Variants in NAALADL2 observed in about 807,000 individuals in gnomAD.
The protein encoded by NAALADL2 is N-acetylated alpha-linked acidic dipeptidase like 2.
A neutral mutation model predicts 87.2 loss-of-function variants in NAALADL2; 76 were observed. The ratio of observed to expected loss-of-function variants is 0.87; its 90% confidence interval spans 0.72 to 1.05. The LOEUF is 1.05. Ranked by LOEUF, NAALADL2 falls within the 50% of genes least tolerant of loss-of-function variation. NAALADL2 has a pLI of 0.00. For synonymous variants in NAALADL2, 354 were observed against 331.0 expected (o/e 1.07, Z -0.75); for missense variants, 1,089 against 945.8 (o/e 1.15, Z -1.99).
At chr3:175,111,749 C>T (rs1158351495) in intron 2 of NAALADL2, among the ~76,000 whole-genome samples, 1 of 151,582 alleles carries the variant, frequency 6.6e-6, no homozygotes, top group Non-Finnish European at 1.5e-5. Flanking sequence ...TCTAGTCAGA[C>T]AGTCAGGAAA....
At chr3:175,307,065 G>A (rs1326551797) in intron 4 of NAALADL2, among the ~76,000 whole-genome samples, 1 of 152,050 alleles carries the variant, frequency 6.6e-6, no homozygotes, top group Non-Finnish European at 1.5e-5. Context: ...CTTAATTCCT[G>A]TTAAGGTTAT....
chr3:175,322,596 A>G (rs1455066415), intron 4 of NAALADL2, among the ~76,000 whole-genome samples: 1 of 114,342 alleles, frequency 8.7e-6, no homozygotes, highest in Non-Finnish European at 1.7e-5. Context: ...TCATCTGACA[A>G]AGGGCTAATA....
rs189582369 is a variant in NAALADL2, at chr3:175,388,810, T to C, written c.1091-58419T>C. On this transcript the variant is annotated intron_variant, in intron 5 of 13. Transcript: ENST00000454872. ...TGTGTCCTTCATCCTAGACTCCACC[T>C]CTAACTGTCAGAACCAAATCATAAT... Among the ~76,000 whole-genome samples, 24 of 152,234 alleles carry C rather than the reference T, an allele frequency of 1.6e-4. No individual in the cohort carries two copies. In the East Asian group the frequency reaches 3.9e-3, roughly 24 times the overall value.
intron 11 of NAALADL2, among the ~76,000 whole-genome samples, chr3:175,730,901 T>C (rs2150063669): frequency 6.6e-6 from 1 of 152,264 alleles, no homozygotes; most frequent in East Asian, 1.9e-4. Flanking sequence ...TGAATAGTTA[T>C]TTACTTATGC....
intron 1 of NAALADL2, among the ~76,000 whole-genome samples, chr3:174,937,366 T>C (rs894338317): frequency 1.3e-5 from 2 of 152,038 alleles, no homozygotes; most frequent in African/African-American, 4.8e-5. Flanking sequence ...GTTAGTGATT[T>C]AGGGCTTTTC....
chr3:174,987,224 A>G (rs1745995062), intron 1 of NAALADL2, among the ~76,000 whole-genome samples: 1 of 152,190 alleles, frequency 6.6e-6, no homozygotes, highest in Non-Finnish European at 1.5e-5. Context: ...AAACGAGTGT[A>G]AATCTGCACT....
intron 2 of NAALADL2, among the ~76,000 whole-genome samples, chr3:174,674,304 A>G (rs566639494): frequency 6.6e-6 from 1 of 152,042 alleles, no homozygotes; most frequent in African/African-American, 2.4e-5. Context: ...TCCAGACCCC[A>G]CCTCCAATAC....
chr3:175,520,282 ATTTTTTTTTTTT>A (rs35580351), intron 9 of NAALADL2, among the ~76,000 whole-genome samples: 2 of 78,144 alleles, frequency 2.6e-5, no homozygotes, highest in Non-Finnish European at 4.9e-5. Flanking sequence ...AAAGAATGCA[ATTTTTTTTTTTT>A]TTTTTTTTTT....
intron 2 of NAALADL2, among the ~76,000 whole-genome samples, chr3:174,567,637 T>G (rs1714443020): frequency 6.6e-6 from 1 of 151,688 alleles, no homozygotes; most frequent in African/African-American, 2.4e-5. Flanking sequence ...GACTCAGGCC[T>G]AGTTTTAAAT....
chr3:175,317,827 G>A (rs149628905), intron 4 of NAALADL2, among the ~76,000 whole-genome samples: 3 of 152,120 alleles, frequency 2.0e-5, no homozygotes, highest in African/African-American at 7.2e-5. Flanking sequence ...TGGTGAGAAT[G>A]AAGAGAAGCA....
At chr3:175,476,164 G>C (rs1239506807) in intron 9 of NAALADL2, among the ~76,000 whole-genome samples, 1 of 152,054 alleles carries the variant, frequency 6.6e-6, no homozygotes, top group Non-Finnish European at 1.5e-5. Context: ...TATATTTCAA[G>C]TCAACTACGT....
At chr3:175,676,250 A>G (rs1230900980) in intron 11 of NAALADL2, 2 of 152,134 alleles carry the variant, frequency 1.3e-5, no homozygotes, top group Admixed American at 6.6e-5. Context: ...AATATGCTTT[A>G]TAGTATTCAG....
intron 3 of NAALADL2, among the ~76,000 whole-genome samples, chr3:174,785,408 C>A (rs1263184248): frequency 6.6e-6 from 1 of 152,124 alleles, no homozygotes; most frequent in Non-Finnish European, 1.5e-5. Context: ...AGCTCTTTCA[C>A]CATTGCTTAT....
At chr3:174,624,340 G>A (rs988239357) in intron 2 of NAALADL2, among the ~76,000 whole-genome samples, 1 of 152,016 alleles carries the variant, frequency 6.6e-6, no homozygotes, top group African/African-American at 2.4e-5. Context: ...TGTTGGCATC[G>A]GGGCCGGGCG....
In NAALADL2 at chr3:174,837,728, G is replaced by T. The variant is rs1317260493; in HGVS notation, c.-9+99982G>T. Among the ~76,000 whole-genome samples, 3 of 151,850 alleles carry T rather than the reference G, an allele frequency of 2.0e-5. No homozygotes were observed. The East Asian group carries it at 5.8e-4, about 29-fold the overall frequency. On this transcript the variant is annotated intron_variant, in intron 3 of 3. Transcript: ENST00000434257. ...AGAATTGCTTGAACCTGGGAGGCGGGGGTTGTGGTGGGCTGAGATCATGCC... is the reference window on the plus strand; with the variant it reads ...AGAATTGCTTGAACCTGGGAGGCGGTGGTTGTGGTGGGCTGAGATCATGCC...
intron 3 of NAALADL2, 23 bp from the exon 4 acceptor site, chr3:175,256,388 C>T: frequency 1.3e-6 from 2 of 1,582,520 alleles, no homozygotes; most frequent in East Asian, 4.5e-5. Context: ...CTTTATTTTT[C>T]TTTGTTTTTT....
At chr3:174,898,444 A>G (rs1415634803) in intron 1 of NAALADL2, among the ~76,000 whole-genome samples, 1 of 151,946 alleles carries the variant, frequency 6.6e-6, no homozygotes, top group East Asian at 1.9e-4. Context: ...TGATAGCACA[A>G]CAGGGTGACT....
intron 5 of NAALADL2, among the ~76,000 whole-genome samples, chr3:175,392,858 G>C (rs932440018): frequency 1.3e-5 from 2 of 152,164 alleles, no homozygotes; most frequent in African/African-American, 2.4e-5. Flanking sequence ...CAAACCACAG[G>C]CTTGCCTCAT....
At chr3:175,267,851 T>C (rs751353167) in intron 4 of NAALADL2, among the ~76,000 whole-genome samples, 7 of 152,182 alleles carry the variant, frequency 4.6e-5, no homozygotes, top group Non-Finnish European at 7.3e-5. Flanking sequence ...TTAATTGCTG[T>C]AAGTCAGTGG....
Sources: allele counts gnomAD v4.1 joint callset (sites outside exome capture counted in the v4.1 genomes callset), GRCh38; gene constraint gnomAD v4.1.1; transcripts MANE v1.5; gene names NCBI Gene and HGNC (gene_info 2026-07-23, HGNC 2026-07-21).